GPC6: variants seen among roughly 807,000 people sequenced by gnomAD.
The protein encoded by GPC6 is glypican-6.
Under a neutral mutation model 55.2 loss-of-function variants are expected in GPC6, and 14 were observed. That is an observed-to-expected ratio of 0.25 (90% CI 0.17 to 0.40). The LOEUF (loss-of-function observed/expected upper bound fraction) is 0.40, where lower values mean the gene tolerates loss of function less well. Among genes scored for constraint, GPC6 ranks in the 10% least tolerant of loss-of-function variants. The pLI, the probability that GPC6 is intolerant of heterozygous loss-of-function variation, is 1.00. For missense variants in GPC6, 641 were observed against 708.5 expected (o/e 0.90, Z 1.08); for synonymous variants, 278 against 259.6 (o/e 1.07, Z -0.68).
chr13:93,575,186 C>T (rs941006622), intron 2 of GPC6, among the ~76,000 whole-genome samples: 8 of 151,934 alleles, frequency 5.3e-5, no homozygotes, highest in Admixed American at 3.9e-4. Context: ...CCCAGCTATT[C>T]GGGAGGCTGA....
intron 4 of GPC6, among the ~76,000 whole-genome samples, chr13:94,237,159 G>C (rs967842649): frequency 1.3e-5 from 2 of 152,122 alleles, no homozygotes; most frequent in African/African-American, 4.8e-5. Context: ...GACAAGAAGT[G>C]AGCTGAGGTA....
intron 3 of GPC6, among the ~76,000 whole-genome samples, chr13:93,882,101 T>C (rs1875019790): frequency 6.6e-6 from 1 of 151,776 alleles, no homozygotes; most frequent in South Asian, 2.1e-4. Flanking sequence ...TTCTTTCTTT[T>C]CTTTCGCGGA....
intron 2 of GPC6, among the ~76,000 whole-genome samples, chr13:93,786,762 T>TTA (rs10609802): frequency 3.3e-5 from 5 of 151,794 alleles, no homozygotes; most frequent in Non-Finnish European, 5.9e-5. Flanking sequence ...GAACAAAAAA[T>TTA]TATATATATA....
At chr13:93,431,582 G>A (rs894595208) in intron 1 of GPC6, among the ~76,000 whole-genome samples, 1 of 151,992 alleles carries the variant, frequency 6.6e-6, no homozygotes, top group East Asian at 1.9e-4. Context: ...TTTTTAAAAA[G>A]CACTTACAAT....
chr13:94,194,381 G>A (rs1174779940), intron 4 of GPC6, among the ~76,000 whole-genome samples: 1 of 152,114 alleles, frequency 6.6e-6, no homozygotes, highest in Non-Finnish European at 1.5e-5. Context: ...CAACTCCAAT[G>A]TATGCATATG....
chr13:94,089,181 C>T lies in GPC6; in HGVS notation c.877+61287C>T, dbSNP rs764530639. On this transcript the variant is annotated intron_variant, in intron 4 of 8. Transcript: ENST00000377047. ...GCTGCTGTATGCTAATGACTGTGCT[C>T]TTAAAGCCCGTGAGTAAGAAGATGT... Among the ~76,000 whole-genome samples, 21 of 152,134 alleles carry T rather than the reference C, an allele frequency of 1.4e-4. 1 individual carries two copies. The highest frequency in any genetic ancestry group is 2.2e-4 in the Non-Finnish European group (15 of 68,024).
intron 3 of GPC6, among the ~76,000 whole-genome samples, chr13:93,896,502 G>A (rs1176425047): frequency 6.6e-6 from 1 of 152,028 alleles, no homozygotes; most frequent in Non-Finnish European, 1.5e-5. Context: ...AAAAATGATA[G>A]TCTCTCAAAC....
At chr13:93,670,530 T>C (rs1881318313) in intron 2 of GPC6, among the ~76,000 whole-genome samples, 1 of 152,146 alleles carries the variant, frequency 6.6e-6, no homozygotes, top group Non-Finnish European at 1.5e-5. Context: ...GATGGAAAGG[T>C]CATATAATGT....
chr13:93,657,771 C>T (rs1402848552), intron 2 of GPC6, among the ~76,000 whole-genome samples: 2 of 151,404 alleles, frequency 1.3e-5, no homozygotes, highest in Non-Finnish European at 3.0e-5. Context: ...ACCAAACAAC[C>T]CCATTAAAAA....
intron 3 of GPC6, among the ~76,000 whole-genome samples, chr13:93,965,763 C>T (rs774240611): frequency 6.6e-6 from 1 of 152,142 alleles, no homozygotes; most frequent in Non-Finnish European, 1.5e-5. Context: ...TGACAGCAGC[C>T]TCTTAGGTCA....
intron 1 of GPC6, among the ~76,000 whole-genome samples, chr13:93,398,076 A>G (rs1875927967): frequency 6.6e-6 from 1 of 152,172 alleles, no homozygotes; most frequent in Non-Finnish European, 1.5e-5. Context: ...TTCAAACTAC[A>G]TTTAGGCAGT....
At chr13:94,165,410 G>A (rs1056885603) in intron 4 of GPC6, among the ~76,000 whole-genome samples, 11 of 151,870 alleles carry the variant, frequency 7.2e-5, no homozygotes, top group Non-Finnish European at 1.0e-4. Context: ...ACCAAACATC[G>A]TATGTTCTCA....
At chr13:94,290,820 T>C (rs1874921002) in intron 5 of GPC6, among the ~76,000 whole-genome samples, 1 of 152,230 alleles carries the variant, frequency 6.6e-6, no homozygotes, top group African/African-American at 2.4e-5. Context: ...ACTACATTAT[T>C]ATAGTATTGC....
intron 2 of GPC6, among the ~76,000 whole-genome samples, chr13:93,742,746 G>C (rs550057976): frequency 1.4e-4 from 21 of 152,292 alleles, no homozygotes; most frequent in Admixed American, 1.3e-3. Context: ...AATGATGACA[G>C]ACTTGGAGAA....
At chr13:94,069,458 G>A (rs1438874418) in intron 4 of GPC6, among the ~76,000 whole-genome samples, 1 of 152,006 alleles carries the variant, frequency 6.6e-6, no homozygotes, top group African/African-American at 2.4e-5. Flanking sequence ...ATTAACATTC[G>A]CCTCCTCATT....
At chr13:94,217,170 G>T (rs1398888668) in intron 4 of GPC6, among the ~76,000 whole-genome samples, 1 of 152,178 alleles carries the variant, frequency 6.6e-6, no homozygotes, top group Non-Finnish European at 1.5e-5. Context: ...AGAATGAGGG[G>T]ACAGAATAAC....
intron 4 of GPC6, among the ~76,000 whole-genome samples, chr13:94,113,168 A>C (rs1199130152): frequency 6.6e-6 from 1 of 152,148 alleles, no homozygotes; most frequent in Non-Finnish European, 1.5e-5. Context: ...TCACTTTTCT[A>C]ATTTTAACCT....
At chr13:93,527,943 A>G (rs997967857) in intron 1 of GPC6, among the ~76,000 whole-genome samples, 1 of 152,160 alleles carries the variant, frequency 6.6e-6, no homozygotes, top group Admixed American at 6.5e-5. Flanking sequence ...TTTGCCTTTC[A>G]TCGTTTTACT....
chr13:94,141,454 C>A (rs185482017), intron 4 of GPC6, among the ~76,000 whole-genome samples: 1 of 152,128 alleles, frequency 6.6e-6, no homozygotes, highest in East Asian at 1.9e-4. Context: ...CATGAAGAGT[C>A]CATTTCGTTA....
Sources: allele counts gnomAD v4.1 joint callset (sites outside exome capture counted in the v4.1 genomes callset), GRCh38; gene constraint gnomAD v4.1.1; transcripts MANE v1.5; gene names NCBI Gene and HGNC (gene_info 2026-07-23, HGNC 2026-07-21).